HIP1: variants seen among roughly 807,000 people sequenced by gnomAD.
HIP1 encodes the protein huntingtin-interacting protein 1.
HIP1 carries 65 observed loss-of-function variants against 147.6 expected under a neutral mutation model. That is an observed-to-expected ratio of 0.44 (90% confidence interval 0.36 to 0.54). The LOEUF is 0.54. HIP1 is among the 20% of genes least tolerant of loss of function. The pLI is 0.00. For synonymous variants in HIP1, 479 were observed against 504.0 expected (o/e 0.95, Z 0.67); for missense variants, 1,061 against 1,299.6 (o/e 0.82, Z 2.82).
At chr7:75,556,931 C>T in intron 16 of HIP1, 120 bp from the exon 17 acceptor site, 1 of 613,496 alleles carries the variant, frequency 1.6e-6, no homozygotes, top group Non-Finnish European at 2.9e-6. Flanking sequence ...ATGTAAGTTA[C>T]ACCCCCCCAA....
intron 19 of HIP1, among the ~76,000 whole-genome samples, chr7:75,555,207 A>T (rs587601602): frequency 0.02 from 925 of 45,776 alleles, 42 homozygotes; most frequent in African/African-American, 0.047. Flanking sequence ...GGGGGGGGGA[A>T]GAAAATACTA....
intron 1 of HIP1, among the ~76,000 whole-genome samples, chr7:75,669,750 C>G (rs1448304822): frequency 6.6e-6 from 1 of 152,154 alleles, no homozygotes; most frequent in Non-Finnish European, 1.5e-5. Context: ...CTTCACTTAG[C>G]ATAATGTTTT....
chr7:75,731,573 C>CA lies in HIP1; in HGVS notation c.120+7227dup, dbSNP rs200675409. ...CTCTCCTTGCAAGAAGGCACCTGCT[C>CA]AGACTTCAGGCAAGGGGTGACTTCT... On this transcript the variant is annotated intron_variant, in intron 1 of 30. Coordinates refer to ENST00000336926, the MANE Select transcript of HIP1 (RefSeq NM_005338.7). Among the ~76,000 whole-genome samples, 302 of 151,780 alleles carry CA rather than the reference C, an allele frequency of 2.0e-3. 7 individuals carry two copies. Among genetic ancestry groups the CA allele is most frequent in the Admixed American group, 0.018 (276 of 15,224 alleles).
chr7:75,665,342 T>C (rs967139195), intron 1 of HIP1, among the ~76,000 whole-genome samples: 6 of 152,064 alleles, frequency 3.9e-5, no homozygotes, highest in East Asian at 1.9e-4. Flanking sequence ...ATAAATTTGA[T>C]TTTCTGTGTG....
chr7:75,590,551 G>A (rs938683575), intron 4 of HIP1, among the ~76,000 whole-genome samples: 14 of 151,912 alleles, frequency 9.2e-5, no homozygotes, highest in African/African-American at 2.2e-4. Context: ...AACATACCAC[G>A]TAGCATAATA....
rs1390110666 is a variant in HIP1, at chr7:75,533,792, C to T, written c.*4380G>A. 3.0e-5 allele frequency: 7 copies of T among 233,800 alleles called. No homozygotes were observed. Among genetic ancestry groups the T allele is most frequent in the Middle Eastern group, 1.2e-3 (1 of 810 alleles). The allele number at this position is 233,800 out of a possible 1,614,324, so 14.5% of individuals were successfully genotyped here. A position where few individuals can be genotyped will look rare whatever the true frequency, so the allele number is the denominator to read the frequency against. ...GTGTGGTGCTGATCTTGTATTTGGT[C>T]TGGACCTGGGAGAGGAAGGAATTTG... On this transcript the variant is annotated 3_prime_UTR_variant, in exon 31 of 31. Transcript: ENST00000336926.
At chr7:75,719,599 G>A (rs1388260378) in intron 1 of HIP1, among the ~76,000 whole-genome samples, 2 of 151,816 alleles carry the variant, frequency 1.3e-5, no homozygotes, top group South Asian at 2.1e-4. Context: ...GCTTTCTATC[G>A]TTTAATCCTT....
chr7:75,671,196 T>A lies in HIP1; in HGVS notation c.120+67605A>T, dbSNP rs369427173. ...GCAACCTCCCCCTCCCGGGTTCGAG[T>A]GATTCTCCTGCCTCAGCCTCCTGAG... On this transcript the variant is annotated intron_variant, in intron 1 of 30. Transcript: ENST00000336926. 1.7e-3 allele frequency among the ~76,000 whole-genome samples: 255 copies of A among 151,978 alleles called. 2 individuals carry two copies. The highest frequency in any genetic ancestry group is 5.8e-3 in the African/African-American group (241 of 41,448).
chr7:75,627,102 T>C (rs782416282), intron 1 of HIP1: 5 of 152,218 alleles, frequency 3.3e-5, no homozygotes, highest in Non-Finnish European at 7.3e-5. Flanking sequence ...TAAAATGTAC[T>C]CAGTGTGCAG....
intron 1 of HIP1, among the ~76,000 whole-genome samples, chr7:75,607,469 TC>T (rs1228791401): frequency 6.8e-6 from 1 of 146,870 alleles, no homozygotes. Flanking sequence ...CCTCAGGTGA[TC>T]CGCCCATCTT....
intron 22 of HIP1, among the ~76,000 whole-genome samples, chr7:75,552,703 G>A (rs186260970): frequency 2.0e-5 from 3 of 151,914 alleles, no homozygotes; most frequent in Admixed American, 2.0e-4. Flanking sequence ...TCCATTTTGG[G>A]TATTACCTGC....
chr7:75,690,818 C>T lies in HIP1; in HGVS notation c.120+47983G>A, dbSNP rs549419494. On this transcript the variant is annotated intron_variant, in intron 1 of 30. Coordinates refer to ENST00000336926, the MANE Select transcript of HIP1 (RefSeq NM_005338.7). The stretch of plus-strand genomic sequence containing the variant: ...CAGAGGTTGCAGTGAGCCGAGATCG[C>T]GCCATTTGCACTCCAGCCTGGGCGA... 1.1e-4 allele frequency among the ~76,000 whole-genome samples: 17 copies of T among 151,796 alleles called. 1 individual carries two copies. Among genetic ancestry groups the T allele is most frequent in the African/African-American group, 3.4e-4 (14 of 41,384 alleles).
chr7:75,660,939 C>A (rs1406067289), intron 1 of HIP1, among the ~76,000 whole-genome samples: 1 of 151,966 alleles, frequency 6.6e-6, no homozygotes, highest in Admixed American at 6.6e-5. Flanking sequence ...GGAAGGCCTG[C>A]ATTTAGGGTG....
At chr7:75,629,707 T>C (rs1283105482) in intron 1 of HIP1, among the ~76,000 whole-genome samples, 4 of 152,132 alleles carry the variant, frequency 2.6e-5, no homozygotes, top group Admixed American at 2.0e-4. Context: ...CACGCCCAGC[T>C]AATTTTGTAT....
intron 1 of HIP1, among the ~76,000 whole-genome samples, chr7:75,697,361 T>G (rs1800672708): frequency 6.6e-6 from 1 of 151,918 alleles, no homozygotes. Flanking sequence ...AGGCCAGGAA[T>G]TTGAGATCAG....
rs149583955 is a variant in HIP1, at chr7:75,613,639, C to G, written c.121-14392G>C. 3.9e-3 allele frequency among the ~76,000 whole-genome samples: 601 copies of G among 152,278 alleles called. 1 individual carries two copies. The highest frequency in any genetic ancestry group is 0.02 in the Middle Eastern group (6 of 294). On this transcript the variant is annotated intron_variant, in intron 1 of 30. Transcript: ENST00000336926. ...GCCAGCAAGAAGTGGAGCCAGAATT[C>G]AAACCCAGGTCCATCTGAGAGCGCC...
chr7:75,599,262 G>C lies in HIP1; in HGVS notation c.121-15C>G. ...ATGCTGACAGTCTGAAAAACAAGAA[G>C]GGGGGAGGGAAAGGAGGATGAGATG... On this transcript the variant is annotated splice_polypyrimidine_tract_variant and intron_variant, in intron 1 of 30. Transcript: ENST00000336926. 6.3e-7 allele frequency: 1 copy of C among 1,599,316 alleles called. No individual in the cohort carries two copies. The highest frequency in any genetic ancestry group is 8.6e-7 in the Non-Finnish European group (1 of 1,166,608).
chr7:75,583,805 T>TGTG (rs1554499082), intron 5 of HIP1, among the ~76,000 whole-genome samples: 8 of 135,152 alleles, frequency 5.9e-5, no homozygotes, highest in African/African-American at 8.4e-5. Context: ...TGTGTGTGTG[T>TGTG]TTAGTAGAGA....
intron 1 of HIP1, among the ~76,000 whole-genome samples, chr7:75,668,561 G>A (rs1799628189): frequency 6.6e-6 from 1 of 152,020 alleles, no homozygotes; most frequent in Non-Finnish European, 1.5e-5. Context: ...CTGATCTCAG[G>A]TGATCCACCC....
Sources: allele counts gnomAD v4.1 joint callset (sites outside exome capture counted in the v4.1 genomes callset), GRCh38; gene constraint gnomAD v4.1.1; transcripts MANE v1.5; gene names NCBI Gene and HGNC (gene_info 2026-07-23, HGNC 2026-07-21).